FGGY: variants seen among roughly 807,000 people sequenced by gnomAD.
The protein encoded by FGGY is FGGY carbohydrate kinase domain-containing protein.
FGGY carries 72 observed loss-of-function variants against 71.3 expected under a neutral mutation model. That is an observed-to-expected ratio of 1.01 (90% CI 0.84 to 1.23). FGGY has a LOEUF of 1.23. FGGY is among the 50% of genes most tolerant of loss of function. FGGY has a pLI of 0.00. For missense variants in FGGY, 668 were observed against 682.3 expected, an observed-to-expected ratio of 0.98 and a Z score of 0.23; for synonymous variants, 251 against 250.3, an observed-to-expected ratio of 1.00 and a Z score of -0.02.
chr1:59,309,015 AT>A (rs201943040), intron 1 of FGGY, among the ~76,000 whole-genome samples: 1 of 151,862 alleles, frequency 6.6e-6, no homozygotes, highest in African/African-American at 2.4e-5. Context: ...GTTGTGGTGG[AT>A]TTTTTTTGTA....
intron 1 of FGGY, among the ~76,000 whole-genome samples, chr1:59,314,783 T>C (rs775606505): frequency 2.0e-5 from 3 of 152,210 alleles, no homozygotes; most frequent in African/African-American, 7.2e-5. Context: ...TGTGTGTGTA[T>C]GCACTGGGGA....
intron 6 of FGGY, among the ~76,000 whole-genome samples, chr1:59,470,848 A>G (rs1396683857): frequency 6.6e-6 from 1 of 152,150 alleles, no homozygotes; most frequent in African/African-American, 2.4e-5. Flanking sequence ...CTTGTTTTTC[A>G]TTTTGATTTG....
chr1:59,649,187 G>A (rs1272624163), intron 11 of FGGY, among the ~76,000 whole-genome samples: 82 of 149,252 alleles, frequency 5.5e-4, no homozygotes, highest in African/African-American at 1.9e-3. Flanking sequence ...GTAGTGTGAT[G>A]CCTCCAGCTT....
intron 14 of FGGY, chr1:59,698,828 T>G (rs748260668): frequency 5.9e-5 from 58 of 985,302 alleles, no homozygotes; most frequent in Non-Finnish European, 6.7e-5. Flanking sequence ...AATATGTGTG[T>G]GCCCACAGCC....
At chr1:59,393,801 A>G (rs966081766) in intron 5 of FGGY, among the ~76,000 whole-genome samples, 3 of 152,100 alleles carry the variant, frequency 2.0e-5, no homozygotes. Context: ...AGTGCTTTTT[A>G]TCAGAATTTC....
At chr1:59,727,829 T>C (rs2097967026) in intron 14 of FGGY, among the ~76,000 whole-genome samples, 2 of 152,152 alleles carry the variant, frequency 1.3e-5, no homozygotes, top group African/African-American at 4.8e-5. Flanking sequence ...TTTCCCCTCC[T>C]TGTCTCCAAT....
chr1:59,429,216 G>A (rs1288785777), intron 5 of FGGY, among the ~76,000 whole-genome samples: 1 of 151,760 alleles, frequency 6.6e-6, no homozygotes, highest in Non-Finnish European at 1.5e-5. Flanking sequence ...AAATCTCTTG[G>A]TGGCCCTGGT....
intron 1 of FGGY, among the ~76,000 whole-genome samples, chr1:59,310,398 G>C (rs2044100578): frequency 6.6e-6 from 1 of 152,200 alleles, no homozygotes; most frequent in Non-Finnish European, 1.5e-5. Flanking sequence ...CTCAAAGAGA[G>C]GTCAGGAATT....
At chr1:59,537,525 G>T (rs2095350263) in intron 7 of FGGY, among the ~76,000 whole-genome samples, 1 of 152,118 alleles carries the variant, frequency 6.6e-6, no homozygotes, top group Non-Finnish European at 1.5e-5. Flanking sequence ...ACCAAAAAGA[G>T]CCCGCATCAC....
chr1:59,758,579 G>A (rs886856707), intron 15 of FGGY, among the ~76,000 whole-genome samples: 9 of 152,228 alleles, frequency 5.9e-5, no homozygotes, highest in African/African-American at 2.2e-4. Context: ...AGAGATGGGA[G>A]CCTGTAGAGA....
rs891472699 is a variant in FGGY at position 59,617,578 on chromosome 1, G to A, written c.1012-8410G>A. Among the ~76,000 whole-genome samples the A allele has an allele frequency of 7.6e-4, 115 of 152,030 alleles. 1 individual carries two copies. The highest frequency in any genetic ancestry group is 7.5e-3 in the Admixed American group (114 of 15,238). On this transcript the variant is annotated intron_variant, in intron 9 of 15. Coordinates refer to ENST00000303721, the MANE Select transcript of FGGY (RefSeq NM_018291.5). Reference sequence around the variant, plus strand: ...CTCATGCTTGCCGATATTCTCTTCTGAATAGTTGTGCAAAAAAGCATTGCT... The same window carrying A: ...CTCATGCTTGCCGATATTCTCTTCTAAATAGTTGTGCAAAAAAGCATTGCT...
chr1:59,518,762 C>G (rs1399590494), intron 7 of FGGY, among the ~76,000 whole-genome samples: 1 of 152,202 alleles, frequency 6.6e-6, no homozygotes, highest in East Asian at 1.9e-4. Context: ...GAGGCCTCCC[C>G]AGAAGCCGAG....
At chr1:59,743,084 A>T (rs2098164126) in intron 14 of FGGY, among the ~76,000 whole-genome samples, 1 of 152,106 alleles carries the variant, frequency 6.6e-6, no homozygotes, top group Non-Finnish European at 1.5e-5. Flanking sequence ...CCAAAATCTG[A>T]CCCCTGCCTT....
At chr1:59,397,022 A>G (rs572939830) in intron 5 of FGGY, among the ~76,000 whole-genome samples, 1 of 148,144 alleles carries the variant, frequency 6.8e-6, no homozygotes, top group African/African-American at 2.5e-5. Flanking sequence ...TGAATGCATT[A>G]TGTCTTGAGT....
intron 8 of FGGY, among the ~76,000 whole-genome samples, chr1:59,584,397 A>C (rs1156607862): frequency 1.3e-5 from 2 of 150,070 alleles, no homozygotes; most frequent in African/African-American, 5.0e-5. Flanking sequence ...TCCAGCATAT[A>C]AACAGAACAA....
chr1:59,609,040 A>G (rs1558529980), intron 9 of FGGY, among the ~76,000 whole-genome samples: 1 of 152,210 alleles, frequency 6.6e-6, no homozygotes, highest in Non-Finnish European at 1.5e-5. Flanking sequence ...AACTCTTTAC[A>G]GGGGAGAAGG....
chr1:59,725,781 T>G (rs2097940140), intron 14 of FGGY, among the ~76,000 whole-genome samples: 1 of 152,158 alleles, frequency 6.6e-6, no homozygotes, highest in Admixed American at 6.5e-5. Flanking sequence ...AGTTCCAGGA[T>G]TTGGTGGTGT....
At chr1:59,746,528 C>T (rs982222836) in intron 14 of FGGY, among the ~76,000 whole-genome samples, 2 of 152,120 alleles carry the variant, frequency 1.3e-5, no homozygotes, top group Admixed American at 1.3e-4. Flanking sequence ...TACTGTGTCG[C>T]CCAGGCTGGA....
chr1:59,729,146 T>C (rs1385963251), intron 14 of FGGY, among the ~76,000 whole-genome samples: 1 of 152,028 alleles, frequency 6.6e-6, no homozygotes, highest in Non-Finnish European at 1.5e-5. Flanking sequence ...TCCTTGTCCT[T>C]GTTAAGGCCA....
Sources: gnomAD v4.1 joint callset for allele counts (sites outside exome capture counted in the v4.1 genomes callset) on GRCh38, gnomAD v4.1.1 for gene constraint, MANE v1.5 for transcripts, NCBI Gene and HGNC (gene_info 2026-07-23, HGNC 2026-07-21) for gene names.